The following TBC1D5 variants were observed in gnomAD, a reference collection of about 807,000 sequenced individuals.
TBC1D5 encodes the protein TBC1 domain family member 5, also known as TBC1 domain family, member 5.
TBC1D5 carries 75 observed loss-of-function variants against 100.3 expected under a neutral mutation model. The ratio of observed to expected loss-of-function variants is 0.75; its 90% CI spans 0.62 to 0.91. The LOEUF is 0.91. Ranked by LOEUF, TBC1D5 falls within the 40% of genes least tolerant of loss-of-function variation. The pLI, the probability that TBC1D5 is intolerant of heterozygous loss-of-function variation, is 0.00. For missense variants in TBC1D5, 910 were observed against 942.4 expected (o/e 0.97, Z 0.45); for synonymous variants, 323 against 325.6 (o/e 0.99, Z 0.09).
intron 1 of TBC1D5, among the ~76,000 whole-genome samples, chr3:17,674,824 G>C (rs1295000721): frequency 6.6e-6 from 1 of 151,962 alleles, no homozygotes; most frequent in African/African-American, 2.4e-5. Flanking sequence ...GTACACTCAA[G>C]AAAATAAGGT....
At chr3:17,572,376 T>C (rs2096632664) in intron 2 of TBC1D5, among the ~76,000 whole-genome samples, 1 of 151,962 alleles carries the variant, frequency 6.6e-6, no homozygotes, top group Non-Finnish European at 1.5e-5. Context: ...TTTCCATCTT[T>C]TCATATACAT....
chr3:17,535,158 A>G (rs2153400830), intron 2 of TBC1D5, among the ~76,000 whole-genome samples: 1 of 152,328 alleles, frequency 6.6e-6, no homozygotes, highest in African/African-American at 2.4e-5. Flanking sequence ...GAACATGTGT[A>G]TAGTGACCTA....
At chr3:17,579,240 G>T (rs1408082666) in intron 2 of TBC1D5, among the ~76,000 whole-genome samples, 1 of 151,980 alleles carries the variant, frequency 6.6e-6, no homozygotes, top group African/African-American at 2.4e-5. Flanking sequence ...CTCCTGAAGT[G>T]GGTGTAACCT....
intron 18 of TBC1D5, among the ~76,000 whole-genome samples, chr3:17,198,477 G>A (rs2071021116): frequency 6.6e-6 from 1 of 152,132 alleles, no homozygotes; most frequent in South Asian, 2.1e-4. Flanking sequence ...AAAGTTTTTA[G>A]TATAAATATG....
At chr3:17,166,182 AAAG>A (rs1487665091) in intron 21 of TBC1D5, among the ~76,000 whole-genome samples, 3 of 152,182 alleles carry the variant, frequency 2.0e-5, no homozygotes, top group Admixed American at 2.0e-4. Context: ...ATAAAAACAA[AAAG>A]AAGATACAAA....
At chr3:17,470,601 A>T (rs779810003) in intron 3 of TBC1D5, among the ~76,000 whole-genome samples, 11 of 152,194 alleles carry the variant, frequency 7.2e-5, no homozygotes, top group Non-Finnish European at 1.6e-4. Context: ...GGTCTTCTGC[A>T]CTACTGTGAG....
At chr3:17,173,439 T>C (rs1268822004) in intron 19 of TBC1D5, among the ~76,000 whole-genome samples, 3 of 152,180 alleles carry the variant, frequency 2.0e-5, no homozygotes, top group Non-Finnish European at 4.4e-5. Context: ...TGTACAATCA[T>C]TTCTATCAGA....
chr3:17,560,195 T>C (rs1452935723), intron 2 of TBC1D5, among the ~76,000 whole-genome samples: 1 of 152,132 alleles, frequency 6.6e-6, no homozygotes, highest in Non-Finnish European at 1.5e-5. Flanking sequence ...AACTTCACCA[T>C]GAAGACAAGA....
chr3:17,404,638 A>T (rs2093722839), intron 7 of TBC1D5, 56 bp downstream of exon 7: 2 of 1,487,556 alleles, frequency 1.3e-6, no homozygotes, highest in Non-Finnish European at 1.8e-6. Context: ...AACCAGTCAT[A>T]TAAACATATT....
chr3:17,527,688 C>T (rs898289306), intron 2 of TBC1D5, among the ~76,000 whole-genome samples: 1 of 151,948 alleles, frequency 6.6e-6, no homozygotes, highest in African/African-American at 2.4e-5. Flanking sequence ...AGATAAAAAG[C>T]AACCACCACA....
chr3:17,381,596 T>C (rs947212318), intron 9 of TBC1D5, among the ~76,000 whole-genome samples: 2 of 152,096 alleles, frequency 1.3e-5, no homozygotes, highest in African/African-American at 4.8e-5. Context: ...AACAATCTCT[T>C]TACAGTTTAA....
At chr3:17,674,609 G>GT (rs1323178834) in intron 1 of TBC1D5, among the ~76,000 whole-genome samples, 1 of 152,110 alleles carries the variant, frequency 6.6e-6, no homozygotes, top group African/African-American at 2.4e-5. Flanking sequence ...AATCACATCT[G>GT]TTAAGCAGTT....
rs771127821 is a variant in TBC1D5 at position 17,376,599 on chromosome 3, C to G, written c.627G>C (p.Leu209=). The G allele has an allele frequency of 1.9e-6, 3 of 1,611,748 alleles. No individual in the cohort carries two copies. In the South Asian group the frequency reaches 3.3e-5, roughly 18 times the overall value. ...GAAGGACAAAGACTATAGGTGCTAA[C>G]AGTTCGTGCATGCCCTGAAATAAAA... The change falls in exon 10 of 22, where the codon CTG becomes CTC. Residue 209 remains leucine, a synonymous_variant. Transcript: ENST00000253692.
At chr3:17,430,334 T>C (rs1270257325) in intron 3 of TBC1D5, among the ~76,000 whole-genome samples, 2 of 151,848 alleles carry the variant, frequency 1.3e-5, no homozygotes, top group African/African-American at 4.8e-5. Context: ...AATAGAATAG[T>C]TCTTCCTTTA....
exon 17 of TBC1D5, chr3:17,238,276 G>A: frequency 6.2e-7 from 1 of 1,614,076 alleles, no homozygotes; most frequent in Non-Finnish European, 8.5e-7. Flanking sequence ...AATTACAACA[G>A]AGGAGGAGCT....
At chr3:17,562,374 G>C (rs2096564772) in intron 2 of TBC1D5, among the ~76,000 whole-genome samples, 1 of 151,502 alleles carries the variant, frequency 6.6e-6, no homozygotes, top group South Asian at 2.1e-4. Flanking sequence ...AACCCAATAG[G>C]TCAAGTAAAA....
intron 3 of TBC1D5, among the ~76,000 whole-genome samples, chr3:17,451,752 T>C (rs1242420056): frequency 1.3e-5 from 2 of 152,114 alleles, no homozygotes; most frequent in Admixed American, 6.5e-5. Context: ...TGCACATGTA[T>C]ACCAGAACTT....
In TBC1D5 at chr3:17,401,011, A is replaced by G. The variant is rs1321465810; in HGVS notation, c.509+2170T>C. Among the ~76,000 whole-genome samples the G allele has an allele frequency of 2.6e-5, 4 of 152,010 alleles. No homozygotes were observed. The East Asian group carries it at 7.7e-4, about 29-fold the overall frequency. On this transcript the variant is annotated intron_variant, in intron 8 of 21. Transcript: ENST00000253692. The stretch of plus-strand genomic sequence containing the variant: ...AGATGGCCTATTGTGGGACTTCACC[A>G]TGATCATGTGAGTCAATACTCCTTA...
At chr3:17,224,769 T>C (rs1217116715) in intron 17 of TBC1D5, among the ~76,000 whole-genome samples, 1 of 152,246 alleles carries the variant, frequency 6.6e-6, no homozygotes, top group Non-Finnish European at 1.5e-5. Context: ...TTGAAAGCAT[T>C]TGTTCCCTTG....
Sources: allele counts gnomAD v4.1 joint callset (sites outside exome capture counted in the v4.1 genomes callset), GRCh38; gene constraint gnomAD v4.1.1; transcripts MANE v1.5; gene names NCBI Gene and HGNC (gene_info 2026-07-23, HGNC 2026-07-21).